Variants in MTHFD1L observed in about 807,000 individuals in gnomAD.
The protein encoded by MTHFD1L is methylenetetrahydrofolate dehydrogenase (NADP+ dependent) 1 like.
Under a neutral mutation model 119.5 loss-of-function variants are expected in MTHFD1L, and 81 were observed. The observed-to-expected ratio is 0.68, with a 90% CI of 0.57 to 0.82. The LOEUF is 0.82. MTHFD1L is among the 40% of genes least tolerant of loss of function. The pLI, the probability that MTHFD1L is intolerant of heterozygous loss-of-function variation, is 0.00. For synonymous variants in MTHFD1L, 430 were observed against 475.2 expected (o/e 0.90, Z 1.24); for missense variants, 1,125 against 1,253.4 (o/e 0.90, Z 1.55).
intron 25 of MTHFD1L, among the ~76,000 whole-genome samples, chr6:151,035,801 G>A (rs2128536433): frequency 6.6e-6 from 1 of 152,112 alleles, no homozygotes; most frequent in East Asian, 1.9e-4. Flanking sequence ...TGGCATATTG[G>A]TTGGTTTTTT....
intron 1 of MTHFD1L, among the ~76,000 whole-genome samples, chr6:150,873,488 A>G (rs1399663342): frequency 7.9e-5 from 12 of 152,160 alleles, no homozygotes; most frequent in Non-Finnish European, 1.8e-4. Flanking sequence ...CCACTGTAGT[A>G]TACCTGTTTT....
intron 1 of MTHFD1L, among the ~76,000 whole-genome samples, chr6:150,874,626 G>A (rs547108549): frequency 2.0e-5 from 3 of 152,318 alleles, no homozygotes; most frequent in South Asian, 2.1e-4. Flanking sequence ...CTGTGGCTGC[G>A]CCTTTGGTCT....
At chr6:151,052,384 G>A (rs1562601025) in intron 26 of MTHFD1L, among the ~76,000 whole-genome samples, 2 of 152,188 alleles carry the variant, frequency 1.3e-5, no homozygotes, top group African/African-American at 4.8e-5. Flanking sequence ...CCCAATCCCT[G>A]TCCTGGAAGC....
intron 7 of MTHFD1L, among the ~76,000 whole-genome samples, chr6:150,898,216 G>T (rs895115633): frequency 6.6e-6 from 1 of 152,164 alleles, no homozygotes; most frequent in South Asian, 2.1e-4. Context: ...AGTGTGTGGA[G>T]ATTTCCTTTT....
chr6:151,062,387 A>G (rs4452650), intron 26 of MTHFD1L, among the ~76,000 whole-genome samples: 4,923 of 152,218 alleles, frequency 0.032, 160 homozygotes, highest in Admixed American at 0.1. Context: ...GCAGTGAGCC[A>G]AGATCGCGCC....
At chr6:151,101,127 C>G (rs2128670914) in intron 27 of MTHFD1L, among the ~76,000 whole-genome samples, 1 of 152,098 alleles carries the variant, frequency 6.6e-6, no homozygotes, top group East Asian at 1.9e-4. Context: ...CCACTACACT[C>G]CAGCCTGGGC....
intron 8 of MTHFD1L, among the ~76,000 whole-genome samples, chr6:150,917,507 AT>A (rs71554489): frequency 0.077 from 11,737 of 151,740 alleles, 639 homozygotes; most frequent in East Asian, 0.2. Context: ...AAAAAAAAAA[AT>A]TTTTTTAGAT....
At position 151,009,841 on chromosome 6, in the gene MTHFD1L, T is replaced by G; in HGVS notation, c.2148T>G (p.Ala716=). 6.2e-7 allele frequency: 1 copy of G among 1,613,952 alleles called. No homozygotes were observed. Among genetic ancestry groups the G allele is most frequent in the Non-Finnish European group, 8.5e-7 (1 of 1,179,946 alleles). The part of the protein sequence containing the change: ...GFVVTEAGFG[A]DIGMEKFFNI... Reference sequence around the variant, plus strand: ...CAGTGACCGAAGCTGGCTTTGGTGCTGACATCGGAATGGAGAAATTCTTCA... The same window carrying G: ...CAGTGACCGAAGCTGGCTTTGGTGCGGACATCGGAATGGAGAAATTCTTCA... Residue 716 remains alanine (A), a synonymous_variant, in exon 21 of 28, where the codon GCT becomes GCG. Coordinates refer to ENST00000367321, the MANE Select transcript of MTHFD1L (RefSeq NM_015440.5).
intron 20 of MTHFD1L, among the ~76,000 whole-genome samples, chr6:150,982,438 T>C (rs1777649560): frequency 2.0e-5 from 3 of 152,230 alleles, no homozygotes. Context: ...TTGTGCATTA[T>C]TTGTCAAGGG....
intron 8 of MTHFD1L, among the ~76,000 whole-genome samples, chr6:150,910,487 C>G (rs1273111637): frequency 6.7e-6 from 1 of 149,436 alleles, no homozygotes; most frequent in African/African-American, 2.5e-5. Context: ...CGCTTGAACC[C>G]AGGAGGTGGA....
At chr6:151,024,525 A>G (rs974875802) in intron 24 of MTHFD1L, among the ~76,000 whole-genome samples, 2 of 151,562 alleles carry the variant, frequency 1.3e-5, no homozygotes, top group African/African-American at 4.9e-5. Context: ...CCTAAGCAAC[A>G]GAGCCAAGCT....
In MTHFD1L at chr6:150,971,998, A is replaced by C; in HGVS notation, c.2065A>C (p.Asn689His). The C allele has an allele frequency of 1.2e-6, 2 of 1,614,152 alleles. No individual in the cohort carries two copies. Among genetic ancestry groups the C allele is most frequent in the Non-Finnish European group, 8.5e-7 (1 of 1,180,026 alleles). ...CCCTTTTGCTAACATTGCTCACGGC[A>C]ACTCTTCAGTGTTGGCTGATAAAAT... is the stretch of plus-strand genomic sequence containing the variant. The part of the protein sequence containing the change: ...AGPFANIAHG[N>H]SSVLADKIAL... Residue 689 changes from asparagine (N) to histidine (H), a missense_variant, in exon 20 of 28, where the codon AAC (asparagine) becomes CAC (histidine). Around this residue, in one of 3 missense-constraint regions of MTHFD1L, gnomAD observed 1,058 missense variants for 1,151.2 expected, o/e 0.92. Coordinates refer to ENST00000367321, the MANE Select transcript of MTHFD1L (RefSeq NM_015440.5).
chr6:150,947,918 G>T lies in MTHFD1L; in HGVS notation c.1624-1113G>T, dbSNP rs147073931. Among the ~76,000 whole-genome samples the T allele has an allele frequency of 1.4e-3, 212 of 152,294 alleles. 1 individual carries two copies. Among genetic ancestry groups the T allele is most frequent in the African/African-American group, 4.7e-3 (194 of 41,576 alleles). On this transcript the variant is annotated intron_variant, in intron 15 of 27. Transcript: ENST00000367321. ...AACTCACAGTATCTTACTCGTAGAAGAAATCTGGCCATAGGTATTTGTCTG... is the reference window on the plus strand; with the variant it reads ...AACTCACAGTATCTTACTCGTAGAATAAATCTGGCCATAGGTATTTGTCTG...
Position 150,905,747 on chromosome 6 carries a change from A to T in MTHFD1L, c.878A>T (p.His293Leu), listed in dbSNP as rs766063498. 6.2e-7 allele frequency: 1 copy of T among 1,613,136 alleles called. No homozygotes were observed. Among genetic ancestry groups the T allele is most frequent in the African/African-American group, 1.3e-5 (1 of 75,044 alleles). ...GGAACTACTGTTCTCAACTGCTCCC[A>T]TGACTTCCTGTCAGGTAAATGTCTT... is the stretch of plus-strand genomic sequence containing the variant. ...QPGTTVLNCS[H>L]DFLSGKVGCG... is the part of the protein sequence containing the mutation. The change falls in exon 8 of 28, where the codon CAT becomes CTT. Residue 293 changes from histidine (H) to leucine (L), a missense_variant. Around this residue, in one of 3 missense-constraint regions of MTHFD1L, gnomAD observed 1,058 missense variants for 1,151.2 expected, o/e 0.92. Transcript: ENST00000367321.
At chr6:150,928,321 A>G (rs1367876210) in intron 11 of MTHFD1L, among the ~76,000 whole-genome samples, 1 of 150,726 alleles carries the variant, frequency 6.6e-6, no homozygotes, top group Non-Finnish European at 1.5e-5. Context: ...CTGTAGTCCC[A>G]GCTACTCAGG....
intron 24 of MTHFD1L, among the ~76,000 whole-genome samples, chr6:151,032,978 T>C (rs1435415162): frequency 6.6e-6 from 1 of 152,204 alleles, no homozygotes; most frequent in Non-Finnish European, 1.5e-5. Flanking sequence ...CATACAAATG[T>C]GACACTAGCT....
intron 26 of MTHFD1L, chr6:151,056,084 C>G (rs1184600221): frequency 6.6e-6 from 1 of 152,182 alleles, no homozygotes; most frequent in African/African-American, 2.4e-5. Flanking sequence ...TTTCCTACAG[C>G]TTTTCTGGCT....
chr6:150,920,655 G>A (rs538006620), intron 9 of MTHFD1L, among the ~76,000 whole-genome samples: 2 of 152,278 alleles, frequency 1.3e-5, no homozygotes, highest in South Asian at 4.1e-4. Context: ...CATCCAAGCT[G>A]ATCATTCACG....
At chr6:150,872,827 T>A (rs934046950) in intron 1 of MTHFD1L, among the ~76,000 whole-genome samples, 1 of 139,488 alleles carries the variant, frequency 7.2e-6, no homozygotes, top group African/African-American at 2.6e-5. Context: ...ACCCCCCAAC[T>A]TTTTTTTTTT....
Sources: gnomAD v4.1 joint callset for allele counts (sites outside exome capture counted in the v4.1 genomes callset) on GRCh38, gnomAD v4.1.1 for gene constraint, gnomAD v4.1.1 regional missense constraint, MANE v1.5 for transcripts, NCBI Gene and HGNC (gene_info 2026-07-23, HGNC 2026-07-21) for gene names.